NR3C2: variants seen among roughly 807,000 people sequenced by gnomAD.
NR3C2 encodes nuclear receptor subfamily 3 group C member 2.
A neutral mutation model predicts 86.4 loss-of-function variants in NR3C2; 15 were observed. The ratio of observed to expected loss-of-function variants is 0.17; its 90% CI spans 0.12 to 0.27. The LOEUF (loss-of-function observed/expected upper bound fraction) is 0.27, where lower values mean the gene tolerates loss of function less well. Among genes scored for constraint, NR3C2 ranks in the 10% least tolerant of loss-of-function variants. The pLI, the probability that NR3C2 is intolerant of heterozygous loss-of-function variation, is 1.00. For synonymous variants in NR3C2, 458 were observed against 450.5 expected (o/e 1.02, Z -0.21); for missense variants, 960 against 1,195.6 (o/e 0.80, Z 2.91).
At chr4:148,230,520 C>T (rs968320206) in intron 3 of NR3C2, among the ~76,000 whole-genome samples, 4 of 152,162 alleles carry the variant, frequency 2.6e-5, no homozygotes, top group Non-Finnish European at 5.9e-5. Flanking sequence ...TGACATTGCT[C>T]TTCTCTTGTA....
chr4:148,384,184 C>T (rs1456238261), intron 2 of NR3C2, among the ~76,000 whole-genome samples: 1 of 151,582 alleles, frequency 6.6e-6, no homozygotes, highest in Non-Finnish European at 1.5e-5. Context: ...TTTTCTATTA[C>T]CAAAAATATT....
At chr4:148,349,000 A>T (rs1466490599) in intron 2 of NR3C2, among the ~76,000 whole-genome samples, 1 of 152,200 alleles carries the variant, frequency 6.6e-6, no homozygotes, top group Non-Finnish European at 1.5e-5. Flanking sequence ...TACCAAGCAC[A>T]AGGAAAATAG....
intron 2 of NR3C2, among the ~76,000 whole-genome samples, chr4:148,373,143 C>A (rs570199129): frequency 6.6e-6 from 1 of 152,204 alleles, no homozygotes; most frequent in South Asian, 2.1e-4. Context: ...AAGCCAAGTT[C>A]CACTAAGATA....
chr4:148,122,747 T>G (rs568382853), intron 6 of NR3C2, among the ~76,000 whole-genome samples: 4 of 152,212 alleles, frequency 2.6e-5, no homozygotes, highest in Non-Finnish European at 5.9e-5. Context: ...AACACTACTT[T>G]TATAATTTCT....
At position 148,080,865 on chromosome 4, in the gene NR3C2, ATTTT is replaced by A. The variant is rs10708334; in HGVS notation, c.*475_*478del. 2 of 363,288 alleles carry A rather than the reference ATTTT, an allele frequency of 5.5e-6. No individual in the cohort carries two copies. Among genetic ancestry groups the A allele is most frequent in the Non-Finnish European group, 1.1e-5 (2 of 178,328 alleles). 22.5% of individuals were successfully genotyped at this position (363,288 alleles called of 1,614,324 possible). A position where few individuals can be genotyped will look rare whatever the true frequency, so the allele number is the denominator to read the frequency against. ...TATTACACAACAGGAATCTGTATAT[ATTTT>A]TTTATTATTTTTTTGTGTTTTTTTA... is the stretch of plus-strand genomic sequence containing the variant. On this transcript the variant is annotated 3_prime_UTR_variant, in exon 9 of 9. Transcript: ENST00000358102.
At chr4:148,281,421 A>C (rs998070170) in intron 2 of NR3C2, among the ~76,000 whole-genome samples, 3 of 152,246 alleles carry the variant, frequency 2.0e-5, no homozygotes, top group Admixed American at 6.5e-5. Context: ...TCAATGAAAA[A>C]CAAAATGGGC....
chr4:148,171,663 C>A (rs1188919500), intron 4 of NR3C2, among the ~76,000 whole-genome samples: 1 of 152,254 alleles, frequency 6.6e-6, no homozygotes, highest in African/African-American at 2.4e-5. Context: ...CACTCACCTC[C>A]TGCTGTGCGG....
At chr4:148,445,234 G>C (rs563547226), upstream of NR3C2, among the ~76,000 whole-genome samples, 230 of 152,060 alleles carry the variant, frequency 1.5e-3, 1 homozygote, top group African/African-American at 5.3e-3. Flanking sequence ...TCCCACCTGC[G>C]GGGGGAGGCG....
At chr4:148,230,279 C>T (rs375252921) in intron 3 of NR3C2, among the ~76,000 whole-genome samples, 3 of 152,146 alleles carry the variant, frequency 2.0e-5, no homozygotes, top group African/African-American at 7.2e-5. Flanking sequence ...CTGCAACCTC[C>T]GCCTCCCAGG....
intron 6 of NR3C2, among the ~76,000 whole-genome samples, chr4:148,148,968 A>C (rs1733989269): frequency 1.3e-5 from 2 of 152,196 alleles, no homozygotes; most frequent in South Asian, 4.1e-4. Context: ...TCTGTAACTT[A>C]CTGATTTCCC....
intron 3 of NR3C2, among the ~76,000 whole-genome samples, chr4:148,209,632 A>G (rs1398949811): frequency 6.6e-6 from 1 of 152,178 alleles, no homozygotes; most frequent in Admixed American, 6.5e-5. Context: ...TGATTGCCTA[A>G]CTATCATTTC....
intron 2 of NR3C2, among the ~76,000 whole-genome samples, chr4:148,434,717 T>C (rs1445795265): frequency 6.6e-6 from 1 of 151,992 alleles, no homozygotes; most frequent in Non-Finnish European, 1.5e-5. Context: ...AGACCACAAA[T>C]AAACTAACTT....
At chr4:148,272,796 G>T (rs761200666) in intron 2 of NR3C2, among the ~76,000 whole-genome samples, 11 of 151,998 alleles carry the variant, frequency 7.2e-5, no homozygotes, top group Non-Finnish European at 1.6e-4. Flanking sequence ...TTGAAAACAA[G>T]GCAAATGGGA....
At chr4:148,186,988 G>GTA (rs1491106389) in intron 4 of NR3C2, among the ~76,000 whole-genome samples, 4 of 13,704 alleles carry the variant, frequency 2.9e-4, no homozygotes, top group Non-Finnish European at 4.2e-4. Context: ...ACTGATGTGT[G>GTA]TATGTATGTA....
intron 2 of NR3C2, among the ~76,000 whole-genome samples, chr4:148,340,703 G>C (rs1427385399): frequency 2.6e-5 from 4 of 151,862 alleles, no homozygotes; most frequent in African/African-American, 4.8e-5. Context: ...CACATAAAGG[G>C]TTTTTTGCAA....
chr4:148,204,604 TACTC>T (rs1234801012), intron 3 of NR3C2, among the ~76,000 whole-genome samples: 1 of 152,198 alleles, frequency 6.6e-6, no homozygotes, highest in African/African-American at 2.4e-5. Context: ...TTACAGCACT[TACTC>T]TGTCTACGGT....
chr4:148,436,196 C>A lies in NR3C2; in HGVS notation c.665G>T (p.Ser222Ile), dbSNP rs544822637. Residue 222 changes from serine to isoleucine, a missense_variant, in exon 2 of 9, where the codon AGT becomes ATT. Ser to Ile is a moderately radical substitution (Grantham distance 142, BLOSUM62 -2). This residue lies in a region of NR3C2 where 680 missense variants were observed against 719.0 expected (regional missense o/e 0.95). Transcript: ENST00000358102. ...SVSSTTASFG[S>I]FPVHSPITQG... The stretch of plus-strand genomic sequence containing the variant: ...GGTGATTGGGCTGTGCACTGGAAAA[C>A]TGCCAAAGCTGGCTGTGGTGGAGGA... 41 of 1,614,164 alleles carry A rather than the reference C, an allele frequency of 2.5e-5. No individual in the cohort carries two copies. The East Asian group carries it at 6.0e-4, about 24-fold the overall frequency.
chr4:148,105,970 G>A (rs939735841), intron 8 of NR3C2, among the ~76,000 whole-genome samples: 4 of 152,144 alleles, frequency 2.6e-5, no homozygotes, highest in East Asian at 1.9e-4. Flanking sequence ...ACTGGCACAA[G>A]ACAAGGATGC....
At chr4:148,102,224 C>A (rs530848688) in intron 8 of NR3C2, among the ~76,000 whole-genome samples, 1 of 152,186 alleles carries the variant, frequency 6.6e-6, no homozygotes, top group Non-Finnish European at 1.5e-5. Context: ...TCTGGACCCT[C>A]TTCCGTTCTG....
Sources: gnomAD v4.1 joint callset for allele counts (sites outside exome capture counted in the v4.1 genomes callset) on GRCh38, gnomAD v4.1.1 for gene constraint, gnomAD v4.1.1 regional missense constraint, MANE v1.5 for transcripts, NCBI Gene and HGNC (gene_info 2026-07-23, HGNC 2026-07-21) for gene names.